Variants in ISY1 observed in about 807,000 individuals in gnomAD.
The protein encoded by ISY1 is ISY1 spliceosome associated protein.
Under a neutral mutation model 54.4 loss-of-function variants are expected in ISY1, and 12 were observed. That is an observed-to-expected ratio of 0.22 (90% CI 0.14 to 0.36). The LOEUF (loss-of-function observed/expected upper bound fraction) is 0.36. ISY1 is among the 10% of genes least tolerant of loss of function. The pLI, the probability that ISY1 is intolerant of heterozygous loss-of-function variation, is 1.00. For missense variants in ISY1, 282 were observed against 342.2 expected (o/e 0.82, Z 1.39); for synonymous variants, 96 against 117.9 (o/e 0.81, Z 1.20).
At chr3:129,142,588 C>T (rs1018018560) in intron 6 of ISY1, among the ~76,000 whole-genome samples, 2 of 152,146 alleles carry the variant, frequency 1.3e-5, no homozygotes, top group Non-Finnish European at 2.9e-5. Context: ...TTTTGCAATG[C>T]TCTTTGAGTT....
intron 3 of ISY1, among the ~76,000 whole-genome samples, 195 bp downstream of exon 3, chr3:129,158,313 C>T (rs1047544315): frequency 6.6e-6 from 1 of 152,090 alleles, no homozygotes; most frequent in Non-Finnish European, 1.5e-5. Context: ...GCCACCATGC[C>T]TGGCTAGGCT....
Position 129,130,645 on chromosome 3 carries a change from A to C in ISY1, c.664-9T>G, listed in dbSNP as rs1445891771. 5 of 1,613,978 alleles carry C rather than the reference A, an allele frequency of 3.1e-6. No homozygotes were observed. In the South Asian group the frequency reaches 5.5e-5, roughly 18 times the overall value. On this transcript the variant is annotated splice_polypyrimidine_tract_variant and intron_variant, in intron 9 of 10. Transcript: ENST00000393295. ...CTGCCTTCCTCGTCCGACTACAAACAGAACAAACGAAAGTCCATCAGTAGG... is the reference window on the plus strand; with the variant it reads ...CTGCCTTCCTCGTCCGACTACAAACCGAACAAACGAAAGTCCATCAGTAGG...
Position 129,140,308 on chromosome 3 carries a change from G to A in ISY1, c.418+60C>T, listed in dbSNP as rs1330830601. ...AAAAAGTAAGAGCAGTTAGCATATAGCATATCTACTCTTATGATTATTACC... is the reference window on the plus strand; with the variant it reads ...AAAAAGTAAGAGCAGTTAGCATATAACATATCTACTCTTATGATTATTACC... On this transcript the variant is annotated intron_variant, in intron 7 of 10. Transcript: ENST00000393295. 12 of 1,441,470 alleles carry A rather than the reference G, an allele frequency of 8.3e-6. No homozygotes were observed. The East Asian group carries it at 2.7e-4, about 33-fold the overall frequency. 89.3% of individuals were successfully genotyped at this position (1,441,470 alleles called of 1,614,324 possible). A position where few individuals can be genotyped will look rare whatever the true frequency, so the allele number is the denominator to read the frequency against.
chr3:129,154,646 A>T (rs73212424), intron 5 of ISY1, among the ~76,000 whole-genome samples: 24,762 of 148,426 alleles, frequency 0.17, 2,622 homozygotes, highest in Middle Eastern at 0.25. Flanking sequence ...ATTTGTGTAT[A>T]TTTTTTCTTG....
chr3:129,156,164 T>C lies in ISY1; in HGVS notation c.187+469A>G, dbSNP rs1481847794. ...CTATAATCCCAGCACTTTGGGAGGC[T>C]GAGGCGGGCGAATTGCAAGGTCAGG... On this transcript the variant is annotated intron_variant, in intron 5 of 10. Transcript: ENST00000393295. Among the ~76,000 whole-genome samples the C allele has an allele frequency of 2.6e-5, 4 of 152,010 alleles. No individual in the cohort carries two copies. In the East Asian group the frequency reaches 5.8e-4, roughly 22 times the overall value.
Position 129,159,174 on chromosome 3 carries a change from G to C in ISY1, c.6C>G (p.Ala2=). ...CTTACATGGCCTTTTCTGCATTTCG[G>C]GCCTGGAAAGAGAGAAAAGAGAAGA... M[A]RNAEKAMTAL... Residue 2 remains alanine, a splice_region_variant and synonymous_variant, in exon 2 of 11, where the codon GCC becomes GCG. Transcript: ENST00000393295. The C allele has an allele frequency of 3.8e-6, 6 of 1,599,848 alleles. No homozygotes were observed. The highest frequency in any genetic ancestry group is 5.1e-6 in the Non-Finnish European group (6 of 1,176,950).
At chr3:129,137,899 A>C (rs2107604481) in intron 7 of ISY1, among the ~76,000 whole-genome samples, 1 of 143,526 alleles carries the variant, frequency 7.0e-6, no homozygotes, top group East Asian at 2.1e-4. Context: ...TGGGCAACAC[A>C]GCAAGACTCC....
chr3:129,139,397 T>A (rs1936537953), intron 7 of ISY1, among the ~76,000 whole-genome samples: 1 of 152,190 alleles, frequency 6.6e-6, no homozygotes, highest in South Asian at 2.1e-4. Flanking sequence ...ATATTTTTTT[T>A]AAAATAGAAA....
chr3:129,141,212 A>C (rs1263558808), intron 6 of ISY1, among the ~76,000 whole-genome samples: 1 of 149,922 alleles, frequency 6.7e-6, no homozygotes, highest in African/African-American at 2.4e-5. Flanking sequence ...TAAATAAATA[A>C]ATAAATAAAT....
intron 1 of ISY1, among the ~76,000 whole-genome samples, chr3:129,160,711 C>T (rs533773319): frequency 2.2e-4 from 33 of 152,194 alleles, no homozygotes; most frequent in Non-Finnish European, 4.3e-4. Context: ...TTCTCTGTGT[C>T]TTAATTTCCC....
At chr3:129,134,736 C>T in intron 8 of ISY1, 96 bp downstream of exon 8, 5 of 1,441,462 alleles carry the variant, frequency 3.5e-6, no homozygotes, top group South Asian at 2.6e-5. Context: ...AAGAAAACTC[C>T]CTTCTGGCAT....
intron 9 of ISY1, among the ~76,000 whole-genome samples, chr3:129,131,885 A>C (rs569584785): frequency 3.7e-4 from 56 of 152,324 alleles, no homozygotes; most frequent in Non-Finnish European, 7.2e-4. Context: ...GCTGGAGTGC[A>C]GTGGTGCAAT....
intron 7 of ISY1, among the ~76,000 whole-genome samples, chr3:129,136,560 A>G (rs1936406859): frequency 6.6e-6 from 1 of 151,884 alleles, no homozygotes; most frequent in African/African-American, 2.4e-5. Context: ...CTGGAGTGCA[A>G]TGGCGCAATC....
rs377758766 is a variant in ISY1 at position 129,130,074 on chromosome 3, C to G, written c.*7G>C. The G allele has an allele frequency of 2.1e-5, 33 of 1,579,344 alleles. No individual in the cohort carries two copies. Among genetic ancestry groups the G allele is most frequent in the Non-Finnish European group, 2.6e-5 (30 of 1,166,746 alleles). On this transcript the variant is annotated 3_prime_UTR_variant, in exon 11 of 11. Transcript: ENST00000393295. ...GGAAGAACTCCAAGGAGAGCCCCAG[C>G]TGGGTCCTAATACCCCAGGAGCCTT...
intron 5 of ISY1, among the ~76,000 whole-genome samples, chr3:129,152,133 T>C (rs1456079101): frequency 1.3e-5 from 2 of 151,852 alleles, no homozygotes; most frequent in Non-Finnish European, 1.5e-5. Flanking sequence ...CACTCCAGCA[T>C]GGGTGACAAG....
intron 6 of ISY1, chr3:129,144,177 G>A (rs1342283553): frequency 6.9e-6 from 3 of 436,842 alleles, no homozygotes; most frequent in Non-Finnish European, 9.3e-6. Flanking sequence ...GGCTCACTCT[G>A]GCAGGACATA....
chr3:129,137,914 CA>C (rs1175621872), intron 7 of ISY1, among the ~76,000 whole-genome samples: 1,281 of 38,152 alleles, frequency 0.034, 5 homozygotes, highest in African/African-American at 0.055. Flanking sequence ...GACTCCATGT[CA>C]AAAAAAAAAA....
At chr3:129,138,450 A>G (rs1419015930) in intron 7 of ISY1, among the ~76,000 whole-genome samples, 1 of 151,888 alleles carries the variant, frequency 6.6e-6, no homozygotes, top group African/African-American at 2.4e-5. Context: ...CCTGGCTAAC[A>G]CGGTGAAACC....
At chr3:129,158,258 A>T (rs1396379679) in intron 3 of ISY1, among the ~76,000 whole-genome samples, 1 of 149,406 alleles carries the variant, frequency 6.7e-6, no homozygotes, top group African/African-American at 2.5e-5. Context: ...CATTCAAGTG[A>T]TTCTCCTGCC....
Sources: allele counts gnomAD v4.1 joint callset (sites outside exome capture counted in the v4.1 genomes callset), GRCh38; gene constraint gnomAD v4.1.1; transcripts MANE v1.5; gene names NCBI Gene and HGNC (gene_info 2026-07-23, HGNC 2026-07-21).